Variants in TRPS1 observed in about 807,000 individuals in gnomAD.
TRPS1 encodes transcriptional repressor GATA binding 1.
In TRPS1, 6 loss-of-function variants were observed where a neutral mutation model predicts 101.2. That is an observed-to-expected ratio of 0.06 (90% CI 0.03 to 0.12). The LOEUF is 0.12. Ranked by LOEUF, TRPS1 falls within the 10% of genes least tolerant of loss-of-function variation. TRPS1 has a pLI of 1.00. For missense variants in TRPS1, 1,363 were observed against 1,567.0 expected, an observed-to-expected ratio of 0.87 and a Z score of 2.20; for synonymous variants, 578 against 589.8, an observed-to-expected ratio of 0.98 and a Z score of 0.29.
In TRPS1 at chr8:115,625,005, C is replaced by T. The variant is rs531178162; in HGVS notation, c.-121-1247G>A. Among the ~76,000 whole-genome samples the T allele has an allele frequency of 7.1e-4, 108 of 151,728 alleles. No individual in the cohort carries two copies. In the South Asian group the frequency reaches 7.3e-3, roughly 10 times the overall value. On this transcript the variant is annotated intron_variant, in intron 1 of 6. Transcript: ENST00000395715. Reference sequence around the variant, plus strand: ...TTAATGACATATTTACTCCAACTAACCTTGCAATAGATAATCAAATAAATT... The same window carrying T: ...TTAATGACATATTTACTCCAACTAATCTTGCAATAGATAATCAAATAAATT...
chr8:115,616,487 A>C (rs533731017), intron 3 of TRPS1, among the ~76,000 whole-genome samples: 32 of 151,478 alleles, frequency 2.1e-4, no homozygotes, highest in African/African-American at 6.5e-4. Context: ...GATCAAAGCC[A>C]TAGAGTTCTT....
chr8:115,550,154 C>T (rs1327199149), intron 5 of TRPS1, among the ~76,000 whole-genome samples: 1 of 152,138 alleles, frequency 6.6e-6, no homozygotes, highest in Non-Finnish European at 1.5e-5. Context: ...GTGGAGGTTG[C>T]AGTGAGCCAA....
chr8:115,574,205 T>C (rs1817267632), intron 5 of TRPS1, among the ~76,000 whole-genome samples: 1 of 152,202 alleles, frequency 6.6e-6, no homozygotes, highest in African/African-American at 2.4e-5. Flanking sequence ...CAAGAAACTT[T>C]AGAGACCAGT....
chr8:115,662,049 A>T (rs1170930546), intron 1 of TRPS1, among the ~76,000 whole-genome samples: 2 of 152,098 alleles, frequency 1.3e-5, no homozygotes, highest in Non-Finnish European at 2.9e-5. Context: ...GATGTGAACA[A>T]CATATACATT....
intron 4 of TRPS1, among the ~76,000 whole-genome samples, chr8:115,601,038 T>C (rs971818036): frequency 6.6e-6 from 1 of 152,248 alleles, no homozygotes; most frequent in East Asian, 1.9e-4. Flanking sequence ...AAAGCACCCA[T>C]GCAACAGAAT....
At chr8:115,443,077 CAG>C (rs1813647815) in intron 5 of TRPS1, among the ~76,000 whole-genome samples, 1 of 150,750 alleles carries the variant, frequency 6.6e-6, no homozygotes, top group Non-Finnish European at 1.5e-5. Flanking sequence ...GCCTGTGTGA[CAG>C]AGCGAGACTC....
At chr8:115,461,717 T>A (rs1814184358) in intron 5 of TRPS1, among the ~76,000 whole-genome samples, 1 of 152,122 alleles carries the variant, frequency 6.6e-6, no homozygotes, top group Non-Finnish European at 1.5e-5. Flanking sequence ...TCTTTCTGAG[T>A]TCTACATTGA....
chr8:115,496,986 A>C (rs1815164190), intron 5 of TRPS1, among the ~76,000 whole-genome samples: 1 of 152,192 alleles, frequency 6.6e-6, no homozygotes, highest in South Asian at 2.1e-4. Context: ...CTTTTATTTC[A>C]AGTAATGTTT....
chr8:115,652,498 T>C, intron 1 of TRPS1, among the ~76,000 whole-genome samples: 1 of 152,258 alleles, frequency 6.6e-6, no homozygotes, highest in Admixed American at 6.5e-5. Flanking sequence ...CCATGTCACC[T>C]GCAAGTTGAA....
At position 115,414,214 on chromosome 8, in the gene TRPS1, G is replaced by A; in HGVS notation, c.3694C>T (p.His1232Tyr). ...TCATCCAGAAAGACAATGCCACAGTGCACACATTTTGTTGAAAGTTCATCT... is the reference window on the plus strand; with the variant it reads ...TCATCCAGAAAGACAATGCCACAGTACACACATTTTGTTGAAAGTTCATCT... Reference protein sequence around the residue: ...TQDELSTKCVHCGIVFLDEVM... With the variant: ...TQDELSTKCVYCGIVFLDEVM... The change falls in exon 7 of 7, where the codon CAC becomes TAC. Residue 1232 changes from histidine to tyrosine, a missense_variant. By Grantham distance (83) the His-to-Tyr change is moderately conservative (BLOSUM62 2). Transcript: ENST00000395715. The surrounding 1 kb of genome is among the most constrained non-coding windows in gnomAD (Gnocchi z 4.8). 1 of 1,613,994 alleles carries A rather than the reference G, an allele frequency of 6.2e-7. No homozygotes were observed. The highest frequency in any genetic ancestry group is 8.5e-7 in the Non-Finnish European group (1 of 1,179,944).
intron 5 of TRPS1, among the ~76,000 whole-genome samples, chr8:115,578,059 T>C (rs1299135779): frequency 6.6e-6 from 1 of 152,210 alleles, no homozygotes; most frequent in African/African-American, 2.4e-5. Context: ...TGAGTTCTTC[T>C]TACAAATCAA....
intron 1 of TRPS1, chr8:115,667,853 T>A: frequency 3.9e-6 from 6 of 1,528,954 alleles, no homozygotes; most frequent in Non-Finnish European, 5.3e-6. Flanking sequence ...CTCCCGACCC[T>A]CCCGAGTTCG....
chr8:115,587,099 C>A lies in TRPS1; in HGVS notation c.2602G>T (p.Gly868Trp). The change falls in exon 5 of 7, where the codon GGG (glycine) becomes TGG (tryptophan). Residue 868 changes from glycine to tryptophan, a missense_variant. Transcript: ENST00000395715. ...LAVETKGFLQGAPAGGEKSGA... is the reference protein window; with the variant it reads ...LAVETKGFLQWAPAGGEKSGA... ...GACTTCTCTCCGCCAGCTGGCGCCC[C>A]CTGCAGGAATCCCTTGGTTTCCACA... 6.2e-7 allele frequency: 1 copy of A among 1,614,132 alleles called. No individual in the cohort carries two copies. Among genetic ancestry groups the A allele is most frequent in the Non-Finnish European group, 8.5e-7 (1 of 1,180,028 alleles).
chr8:115,423,505 T>C (rs1813117797), intron 5 of TRPS1, among the ~76,000 whole-genome samples: 2 of 151,688 alleles, frequency 1.3e-5, no homozygotes, highest in African/African-American at 4.9e-5. Flanking sequence ...CAAATAGATA[T>C]AGAAAATGAC....
At chr8:115,456,176 T>G (rs1814018925) in intron 5 of TRPS1, among the ~76,000 whole-genome samples, 2 of 152,148 alleles carry the variant, frequency 1.3e-5, no homozygotes, top group African/African-American at 4.8e-5. Flanking sequence ...AATTGCAGTT[T>G]TTTTCTATTA....
intron 5 of TRPS1, among the ~76,000 whole-genome samples, chr8:115,478,215 G>C (rs1814654251): frequency 6.6e-6 from 1 of 152,296 alleles, no homozygotes; most frequent in East Asian, 1.9e-4. Flanking sequence ...TAGAAAGATA[G>C]AGTTTCATTT....
intron 5 of TRPS1, among the ~76,000 whole-genome samples, chr8:115,433,426 T>C (rs970302974): frequency 6.6e-6 from 1 of 152,072 alleles, no homozygotes; most frequent in Non-Finnish European, 1.5e-5. Context: ...ATATTTAGTA[T>C]TGCAACTAAA....
intron 5 of TRPS1, among the ~76,000 whole-genome samples, chr8:115,506,260 A>C (rs1310257629): frequency 1.3e-5 from 2 of 152,006 alleles, no homozygotes; most frequent in East Asian, 1.9e-4. Flanking sequence ...GGAAAAAAAA[A>C]CATGGGGGTG....
intron 5 of TRPS1, among the ~76,000 whole-genome samples, chr8:115,559,603 T>C (rs1816901406): frequency 6.6e-6 from 1 of 152,140 alleles, no homozygotes; most frequent in African/African-American, 2.4e-5. Flanking sequence ...CAGCAGACAC[T>C]GATATATGTT....
Sources: allele counts gnomAD v4.1 joint callset (sites outside exome capture counted in the v4.1 genomes callset), GRCh38; gene constraint gnomAD v4.1.1; non-coding constraint Gnocchi (gnomAD v3.1); transcripts MANE v1.5; gene names NCBI Gene and HGNC (gene_info 2026-07-23, HGNC 2026-07-21).